Variants in ATP10B observed in about 807,000 individuals in gnomAD.
ATP10B encodes the protein ATPase phospholipid transporting 10B (putative).
Under a neutral mutation model 141.2 loss-of-function variants are expected in ATP10B, and 122 were observed. The observed-to-expected ratio is 0.86, with a 90% CI of 0.75 to 1.00. ATP10B has a LOEUF of 1.00. Among genes scored for constraint, ATP10B ranks in the 50% least tolerant of loss-of-function variants. The probability of loss-of-function intolerance (pLI) is 0.00; values close to 1 mark genes in which losing one functional copy is unlikely to be tolerated. For synonymous variants in ATP10B, 685 were observed against 692.0 expected (o/e 0.99, Z 0.16); for missense variants, 1,876 against 1,825.3 (o/e 1.03, Z -0.51).
At chr5:160,849,349 A>C (rs1437297283) in intron 1 of ATP10B, among the ~76,000 whole-genome samples, 1 of 152,136 alleles carries the variant, frequency 6.6e-6, no homozygotes, top group African/African-American at 2.4e-5. Flanking sequence ...TTTATCTAAG[A>C]GACAAAAGTA....
chr5:160,660,288 C>A lies in ATP10B; in HGVS notation c.675+10175G>T, dbSNP rs529253645. Among the ~76,000 whole-genome samples, 10 of 152,246 alleles carry A rather than the reference C, an allele frequency of 6.6e-5. No individual in the cohort carries two copies. In the East Asian group the frequency reaches 1.2e-3, roughly 18 times the overall value. On this transcript the variant is annotated intron_variant, in intron 7 of 25. Transcript: ENST00000327245. ...TTATTGTGGTTTCTATTAAAAGGAA[C>A]CAGATCTACCAAAGACCACTAACGT...
chr5:160,649,280 G>C, intron 7 of ATP10B, 24 bp from the exon 8 acceptor site: 1 of 1,552,874 alleles, frequency 6.4e-7, no homozygotes, highest in Non-Finnish European at 8.9e-7. Context: ...GACTCTGTGA[G>C]TTTATTAATT....
chr5:160,652,969 A>ATG (rs1760980615), intron 7 of ATP10B, among the ~76,000 whole-genome samples: 2 of 88,428 alleles, frequency 2.3e-5, no homozygotes, highest in Non-Finnish European at 3.8e-5. Flanking sequence ...ATACATGTAT[A>ATG]TATAATATAT....
the ATP10B span, among the ~76,000 whole-genome samples, chr5:160,881,311 G>A: frequency 6.6e-6 from 1 of 152,174 alleles, no homozygotes. Flanking sequence ...CAAGAATGGG[G>A]AATAAGAGAA....
At chr5:160,697,657 G>C (rs1465904016) in intron 3 of ATP10B, among the ~76,000 whole-genome samples, 1 of 152,146 alleles carries the variant, frequency 6.6e-6, no homozygotes, top group Non-Finnish European at 1.5e-5. Context: ...TAGTGGAAAA[G>C]AGAGAGTGAG....
chr5:160,896,794 T>G, the ATP10B span, among the ~76,000 whole-genome samples: 2 of 152,108 alleles, frequency 1.3e-5, no homozygotes, highest in Non-Finnish European at 2.9e-5. Flanking sequence ...AAATCCTCAA[T>G]AAAATACTGG....
intron 14 of ATP10B, 148 bp from the exon 15 acceptor site, chr5:160,621,098 A>G (rs1758324059): frequency 1.0e-6 from 1 of 962,030 alleles, no homozygotes; most frequent in Non-Finnish European, 1.5e-6. Context: ...GACAATGGTC[A>G]TTTTCCACTA....
At chr5:160,707,687 A>AGAGAATCTATAAAGTCAAAATGACT in intron 3 of ATP10B, among the ~76,000 whole-genome samples, 1 of 152,338 alleles carries the variant, frequency 6.6e-6, no homozygotes, top group South Asian at 2.1e-4. Context: ...GATGAGTGGA[A>AGAGAATCTATAAAGTCAAAATGACT]GAGAATCTAT....
upstream of ATP10B, among the ~76,000 whole-genome samples, chr5:160,854,465 T>C: frequency 6.6e-6 from 1 of 152,170 alleles, no homozygotes; most frequent in Non-Finnish European, 1.5e-5. Flanking sequence ...AAATGATGGC[T>C]TCCAGCTTCA....
the ATP10B span, among the ~76,000 whole-genome samples, chr5:160,872,054 C>G: frequency 1.3e-5 from 2 of 151,894 alleles, no homozygotes; most frequent in African/African-American, 4.8e-5. Flanking sequence ...GCACCAATAT[C>G]TACTATTTTG....
intron 6 of ATP10B, among the ~76,000 whole-genome samples, chr5:160,673,624 C>T (rs146993836): frequency 1.5e-4 from 23 of 152,034 alleles, no homozygotes; most frequent in African/African-American, 5.3e-4. Context: ...GGCAGTCACC[C>T]CAGATTTGTT....
At chr5:160,670,976 C>G (rs920700615) in intron 6 of ATP10B, among the ~76,000 whole-genome samples, 4 of 151,724 alleles carry the variant, frequency 2.6e-5, no homozygotes, top group South Asian at 2.1e-4. Flanking sequence ...ACCAGCCTGG[C>G]CCATATGGTG....
rs1310872436 is a variant in ATP10B at position 160,653,584 on chromosome 5, T to TATATAC, written c.676-4334_676-4329dup. Among the ~76,000 whole-genome samples, 165 of 21,808 alleles carry TATATAC rather than the reference T, an allele frequency of 7.6e-3. 3 individuals are homozygous for TATATAC. Among genetic ancestry groups the TATATAC allele is most frequent in the African/African-American group, 0.018 (58 of 3,136 alleles). The allele number at this position is 21,808 out of a possible 152,430, so 14.3% of individuals were successfully genotyped here. A position where few individuals can be genotyped will look rare whatever the true frequency, so the allele number is the denominator to read the frequency against. ...TATATATTACATATACATATATACA[T>TATATAC]ATATACATATATACATATATACATA... is the stretch of plus-strand genomic sequence containing the variant. On this transcript the variant is annotated intron_variant, in intron 7 of 25. Coordinates refer to ENST00000327245, the MANE Select transcript of ATP10B (RefSeq NM_025153.3).
intron 18 of ATP10B, chr5:160,611,732 C>T (rs1302549177): frequency 6.6e-6 from 1 of 152,226 alleles, no homozygotes; most frequent in Non-Finnish European, 1.5e-5. Context: ...AAAATTTAGT[C>T]CGGTGTCCTC....
intron 7 of ATP10B, among the ~76,000 whole-genome samples, chr5:160,653,747 A>G (rs939921847): frequency 5.7e-5 from 7 of 122,846 alleles, no homozygotes; most frequent in African/African-American, 2.2e-4. Flanking sequence ...CATATATTAC[A>G]TATACATAAA....
intron 2 of ATP10B, among the ~76,000 whole-genome samples, chr5:160,748,240 A>G (rs895226589): frequency 6.6e-6 from 1 of 152,168 alleles, no homozygotes; most frequent in Non-Finnish European, 1.5e-5. Flanking sequence ...CCTCCCCAGC[A>G]TCTTGAAACT....
chr5:160,879,568 G>T, the ATP10B span, among the ~76,000 whole-genome samples: 15 of 150,660 alleles, frequency 1.0e-4, no homozygotes, highest in African/African-American at 2.9e-4. Context: ...GGCCAGGCGC[G>T]GTGGCTCTCG....
intron 3 of ATP10B, among the ~76,000 whole-genome samples, chr5:160,709,699 G>A (rs1380701116): frequency 5.9e-4 from 78 of 132,622 alleles, no homozygotes; most frequent in African/African-American, 2.0e-3. Flanking sequence ...ATGCTGGTGC[G>A]CTGCACCCAC....
At chr5:160,582,083 T>C (rs1755589414) in intron 24 of ATP10B, among the ~76,000 whole-genome samples, 1 of 152,236 alleles carries the variant, frequency 6.6e-6, no homozygotes, top group South Asian at 2.1e-4. Context: ...AGCACACCAA[T>C]GGGTCTTGAC....
Sources: gnomAD v4.1 joint callset for allele counts (sites outside exome capture counted in the v4.1 genomes callset) on GRCh38, gnomAD v4.1.1 for gene constraint, MANE v1.5 for transcripts, NCBI Gene and HGNC (gene_info 2026-07-23, HGNC 2026-07-21) for gene names.